The following IK variants were observed in gnomAD, a reference collection of about 807,000 sequenced individuals.
The protein encoded by IK is IK cytokine.
IK carries 47 observed loss-of-function variants against 90.9 expected under a neutral mutation model. The ratio of observed to expected loss-of-function variants is 0.52; its 90% CI spans 0.41 to 0.66. The LOEUF (loss-of-function observed/expected upper bound fraction) is 0.66, where lower values mean the gene tolerates loss of function less well. Ranked by LOEUF, IK falls within the 30% of genes least tolerant of loss-of-function variation. The probability of loss-of-function intolerance (pLI) is 0.00; values close to 1 mark genes in which losing one functional copy is unlikely to be tolerated. For missense variants in IK, 385 were observed against 709.3 expected, an observed-to-expected ratio of 0.54 and a Z score of 5.19; for synonymous variants, 201 against 227.5, an observed-to-expected ratio of 0.88 and a Z score of 1.05.
intron 11 of IK, 41 bp downstream of exon 11, chr5:140,658,817 G>A: frequency 1.9e-6 from 3 of 1,598,710 alleles, no homozygotes; most frequent in South Asian, 1.1e-5. Context: ...GAGGGAGGGG[G>A]TCTGTACATT....
At chr5:140,659,981 C>A in intron 14 of IK, 134 bp from the exon 15 acceptor site, 4 of 929,818 alleles carry the variant, frequency 4.3e-6, no homozygotes, top group Non-Finnish European at 6.8e-6. Flanking sequence ...CTTGTTCCTT[C>A]CCAGAGCACC....
chr5:140,648,093 A>G, intron 1 of IK, 169 bp downstream of exon 1: 1 of 812,572 alleles, frequency 1.2e-6, no homozygotes, highest in East Asian at 2.5e-5. Context: ...CAGGGTCCTA[A>G]GTGAGGCCGA....
intron 9 of IK, among the ~76,000 whole-genome samples, chr5:140,656,469 G>T (rs1757711503): frequency 6.6e-6 from 1 of 152,172 alleles, no homozygotes; most frequent in Non-Finnish European, 1.5e-5. Context: ...ACAGGCATGA[G>T]CCACTGCGCC....
Position 140,654,673 on chromosome 5 carries a change from C to A in IK, c.591-8C>A. The A allele has an allele frequency of 6.2e-7, 1 of 1,600,562 alleles. No individual in the cohort carries two copies. The highest frequency in any genetic ancestry group is 1.7e-5 in the Admixed American group (1 of 58,574). On this transcript the variant is annotated splice_polypyrimidine_tract_variant and splice_region_variant and intron_variant, in intron 7 of 19. Transcript: ENST00000417647. ...TTTAGCAAAAATAAAACTTTTTTGT[C>A]TTTTCAGGAAAGATGAGGATCCTGA...
chr5:140,659,250 T>G lies in IK; in HGVS notation c.1177-65T>G, dbSNP rs898301790. 6 of 1,613,174 alleles carry G rather than the reference T, an allele frequency of 3.7e-6. No individual in the cohort carries two copies. In the African/African-American group the frequency reaches 8.0e-5, roughly 22 times the overall value. On this transcript the variant is annotated intron_variant, in intron 12 of 19. Transcript: ENST00000417647. Reference sequence around the variant, plus strand: ...GGTTGGGTAAGGAATTGTTTCAAACTTGGGGGAGGGATGAGTAGGAATCTC... The same window carrying G: ...GGTTGGGTAAGGAATTGTTTCAAACGTGGGGGAGGGATGAGTAGGAATCTC...
At chr5:140,658,901 G>T (rs1757753872) in intron 11 of IK, 38 bp from the exon 12 acceptor site, 1 of 1,611,888 alleles carries the variant, frequency 6.2e-7, no homozygotes, top group South Asian at 1.1e-5. Flanking sequence ...GAAGGTGTAT[G>T]TGTGAATTTG....
In IK at chr5:140,658,003, A is replaced by G. The variant is rs578113848; in HGVS notation, c.910+341A>G. Among the ~76,000 whole-genome samples the G allele has an allele frequency of 9.2e-5, 14 of 152,206 alleles. No individual in the cohort carries two copies. In the South Asian group the frequency reaches 2.3e-3, roughly 25 times the overall value. ...CTTGACCGACATTTTATTTTATTTT[A>G]TTTATTTATTTTTTGAGACGGAGTC... On this transcript the variant is annotated intron_variant, in intron 10 of 19. Coordinates refer to ENST00000417647, the MANE Select transcript of IK (RefSeq NM_006083.4).
rs1056160966 is a variant in IK, at chr5:140,662,467, T to C, written c.*138T>C. ...TGTAATTACTTGGTTCCATTAAAAT[T>C]GGTTAACTTGCTATTTTCTTTGTTG... On this transcript the variant is annotated 3_prime_UTR_variant, in exon 20 of 20. Coordinates refer to ENST00000417647, the MANE Select transcript of IK (RefSeq NM_006083.4). 12 of 913,692 alleles carry C rather than the reference T, an allele frequency of 1.3e-5. 1 individual carries two copies. Among genetic ancestry groups the C allele is most frequent in the Admixed American group, 6.3e-5 (3 of 47,868 alleles). The allele number at this position is 913,692 out of a possible 1,614,324, so 56.6% of individuals were successfully genotyped here.
intron 3 of IK, 65 bp from the exon 4 acceptor site, chr5:140,652,023 G>A: frequency 7.8e-7 from 1 of 1,280,126 alleles, no homozygotes; most frequent in African/African-American, 1.5e-5. Flanking sequence ...TCCTCAAGGA[G>A]ACTTCTTGGG....
At chr5:140,652,859 C>T (rs755492829) in intron 4 of IK, 118 bp from the exon 5 acceptor site, 1 of 862,060 alleles carries the variant, frequency 1.2e-6, no homozygotes, top group East Asian at 2.6e-5. Context: ...TCAGGACAGA[C>T]ATGAGCTTTT....
intron 5 of IK, among the ~76,000 whole-genome samples, chr5:140,653,718 C>T (rs1757657583): frequency 6.6e-6 from 1 of 151,574 alleles, no homozygotes; most frequent in Non-Finnish European, 1.5e-5. Context: ...GATTCTCTTG[C>T]CTCAGCCTCC....
chr5:140,661,322 G>A lies in IK; in HGVS notation c.1414-298G>A, dbSNP rs1757800424. The A allele has an allele frequency of 2.8e-6, 1 of 363,604 alleles. No homozygotes were observed. 22.5% of individuals were successfully genotyped at this position (363,604 alleles called of 1,614,324 possible). ...CCTGCCTCTACTGTTTATTAGTTTT[G>A]TGAACTTGCCAAGTTCTTTCACTGT... On this transcript the variant is annotated intron_variant, in intron 16 of 19. Transcript: ENST00000417647. The surrounding 1 kb of genome is among the most constrained non-coding windows in gnomAD (Gnocchi z 4.2).
intron 6 of IK, 65 bp downstream of exon 6, chr5:140,654,117 A>G: frequency 1.1e-6 from 1 of 905,748 alleles, no homozygotes; most frequent in South Asian, 1.4e-5. Context: ...TGGGTCTGGC[A>G]AGATGAGGAG....
intron 2 of IK, chr5:140,648,739 A>G (rs1490993844): frequency 3.8e-6 from 2 of 525,138 alleles, no homozygotes; most frequent in Non-Finnish European, 6.6e-6. Context: ...GAAAGGTGTT[A>G]AGTTTTTTTT....
At chr5:140,652,940 T>C in intron 4 of IK, 37 bp from the exon 5 acceptor site, 1 of 1,605,352 alleles carries the variant, frequency 6.2e-7, no homozygotes, top group Non-Finnish European at 8.5e-7. Flanking sequence ...AGGTAGCAGC[T>C]GATGAGCCTT....
chr5:140,662,278 G>A (rs1561981869), intron 19 of IK, 24 bp from the exon 20 acceptor site: 1 of 1,613,824 alleles, frequency 6.2e-7, no homozygotes, highest in Non-Finnish European at 8.5e-7. Context: ...ATCTTATACT[G>A]ACCCATTTCT....
In IK at chr5:140,654,690, G is replaced by A; in HGVS notation, c.600G>A (p.Glu200=). The A allele has an allele frequency of 6.2e-7, 1 of 1,603,138 alleles. No individual in the cohort carries two copies. Among genetic ancestry groups the A allele is most frequent in the Non-Finnish European group, 8.5e-7 (1 of 1,172,496 alleles). Residue 200 remains glutamate, a synonymous_variant, in exon 8 of 20, where the codon GAG becomes GAA. Coordinates refer to ENST00000417647, the MANE Select transcript of IK (RefSeq NM_006083.4). ...EKPQKETKKD[E]DPENKIEFKT... Reference sequence around the variant, plus strand: ...TTTTTTGTCTTTTCAGGAAAGATGAGGATCCTGAAAATAAAATTGAATTTA... The same window carrying A: ...TTTTTTGTCTTTTCAGGAAAGATGAAGATCCTGAAAATAAAATTGAATTTA...
At chr5:140,648,134 C>T in intron 1 of IK, 1 of 719,650 alleles carries the variant, frequency 1.4e-6, no homozygotes, top group Non-Finnish European at 2.5e-6. Context: ...AGTCCTCACT[C>T]CTACTCCAAG....
chr5:140,652,879 G>T, intron 4 of IK, 98 bp from the exon 5 acceptor site: 1 of 1,069,438 alleles, frequency 9.4e-7, no homozygotes, highest in Admixed American at 2.1e-5. Context: ...TCCCCATAGA[G>T]AGTAGGTTGG....
Sources: allele counts gnomAD v4.1 joint callset (sites outside exome capture counted in the v4.1 genomes callset), GRCh38; gene constraint gnomAD v4.1.1; non-coding constraint Gnocchi (gnomAD v3.1); transcripts MANE v1.5; gene names NCBI Gene and HGNC (gene_info 2026-07-23, HGNC 2026-07-21).